The following PDE1C variants were observed in gnomAD, a reference collection of about 807,000 sequenced individuals.
PDE1C encodes phosphodiesterase 1C, also known as dual specificity calcium/calmodulin-dependent 3',5'-cyclic nucleotide phosphodiesterase 1C.
A neutral mutation model predicts 93.1 loss-of-function variants in PDE1C; 62 were observed. The ratio of observed to expected loss-of-function variants is 0.67; its 90% confidence interval spans 0.54 to 0.82. The LOEUF (loss-of-function observed/expected upper bound fraction) is 0.82. Ranked by LOEUF, PDE1C falls within the 40% of genes least tolerant of loss-of-function variation. The probability of loss-of-function intolerance (pLI) is 0.00; values close to 1 mark genes in which losing one functional copy is unlikely to be tolerated. For missense variants in PDE1C, 742 were observed against 884.6 expected (o/e 0.84, Z 2.04); for synonymous variants, 325 against 310.1 (o/e 1.05, Z -0.50).
At chr7:32,160,032 T>C (rs1432684344) in intron 3 of PDE1C, among the ~76,000 whole-genome samples, 1 of 151,720 alleles carries the variant, frequency 6.6e-6, no homozygotes, top group African/African-American at 2.4e-5. Flanking sequence ...CTGAACCACA[T>C]AAGAATCAAA....
In PDE1C at chr7:31,751,864, A is replaced by G. The variant is rs1794154027; in HGVS notation, c.*1520T>C. ...GCAGGGAATGAGAGAAGGAGAGGACACTAAACTCTTTACAATCAAGCCTGG... is the reference window on the plus strand; with the variant it reads ...GCAGGGAATGAGAGAAGGAGAGGACGCTAAACTCTTTACAATCAAGCCTGG... On this transcript the variant is annotated 3_prime_UTR_variant, in exon 18 of 18. Coordinates refer to ENST00000396191, the MANE Select transcript of PDE1C (RefSeq NM_001191057.4). 1 of 152,236 alleles carries G rather than the reference A, an allele frequency of 6.6e-6. No individual in the cohort carries two copies. The highest frequency in any genetic ancestry group is 2.4e-5 in the African/African-American group (1 of 41,458). 9.4% of individuals were successfully genotyped at this position (152,236 alleles called of 1,614,324 possible).
the PDE1C span, chr7:31,655,954 G>A: frequency 1.0e-6 from 1 of 985,256 alleles, no homozygotes; most frequent in Non-Finnish European, 1.2e-6. Flanking sequence ...TCCCTCAGAT[G>A]AATCTCCAAT....
At chr7:31,849,808 C>T (rs1018164258) in intron 8 of PDE1C, among the ~76,000 whole-genome samples, 1 of 152,070 alleles carries the variant, frequency 6.6e-6, no homozygotes, top group Non-Finnish European at 1.5e-5. Flanking sequence ...CTCTCCAGTT[C>T]CACATCATTG....
In PDE1C at chr7:31,981,435, T is replaced by C. The variant is rs375689070; in HGVS notation, c.128+70119A>G. On this transcript the variant is annotated intron_variant, in intron 2 of 17. Coordinates refer to ENST00000396191, the MANE Select transcript of PDE1C (RefSeq NM_001191057.4). ...CATATCACTTCATATATTTTAATTA[T>C]TAAAATGTGTGTTAATGAAATTTCA... is the stretch of plus-strand genomic sequence containing the variant. Among the ~76,000 whole-genome samples the C allele has an allele frequency of 3.9e-5, 6 of 152,320 alleles. No homozygotes were observed. The East Asian group carries it at 1.2e-3, about 29-fold the overall frequency.
At chr7:32,418,725 G>A (rs568423717) in intron 1 of PDE1C, among the ~76,000 whole-genome samples, 1 of 152,220 alleles carries the variant, frequency 6.6e-6, no homozygotes. Flanking sequence ...TCAAAATCCA[G>A]GAAGTAATAA....
chr7:32,230,800 G>A (rs1176590722), intron 1 of PDE1C, among the ~76,000 whole-genome samples: 2 of 152,052 alleles, frequency 1.3e-5, no homozygotes, highest in Non-Finnish European at 2.9e-5. Flanking sequence ...CAACCCAGGG[G>A]AGCAATGACT....
intron 2 of PDE1C, among the ~76,000 whole-genome samples, chr7:32,003,397 C>A (rs1785735864): frequency 6.6e-6 from 1 of 152,168 alleles, no homozygotes; most frequent in African/African-American, 2.4e-5. Context: ...AATCACAAAC[C>A]TTATTCTGTT....
chr7:31,657,469 G>A, the PDE1C span, among the ~76,000 whole-genome samples: 2 of 152,190 alleles, frequency 1.3e-5, no homozygotes, highest in African/African-American at 2.4e-5. Flanking sequence ...TGCATCTGAC[G>A]CTTGTAGTCA....
chr7:31,888,332 C>A (rs771462215), intron 2 of PDE1C, among the ~76,000 whole-genome samples: 1 of 139,272 alleles, frequency 7.2e-6, no homozygotes, highest in African/African-American at 2.7e-5. Context: ...GTTAGAAGAA[C>A]AAGTTACTCC....
chr7:31,906,089 T>C (rs915538639), intron 2 of PDE1C, among the ~76,000 whole-genome samples: 1 of 152,188 alleles, frequency 6.6e-6, no homozygotes, highest in African/African-American at 2.4e-5. Flanking sequence ...GTCTCAGGTA[T>C]GTCTTTATTA....
intron 1 of PDE1C, among the ~76,000 whole-genome samples, chr7:32,311,248 G>A (rs1042440347): frequency 6.6e-6 from 1 of 152,220 alleles, no homozygotes; most frequent in African/African-American, 2.4e-5. Flanking sequence ...CTCTGAAATT[G>A]TGGCAATAAT....
At chr7:32,349,356 T>C (rs984475940) in intron 1 of PDE1C, among the ~76,000 whole-genome samples, 11 of 152,130 alleles carry the variant, frequency 7.2e-5, no homozygotes, top group African/African-American at 2.7e-4. Flanking sequence ...ATATACTTAC[T>C]CTCACAAAGA....
At chr7:32,379,103 A>G (rs1260734613) in intron 1 of PDE1C, among the ~76,000 whole-genome samples, 1 of 152,168 alleles carries the variant, frequency 6.6e-6, no homozygotes, top group Non-Finnish European at 1.5e-5. Flanking sequence ...ATTTCACTTC[A>G]GTTCCAGCTC....
At chr7:32,259,495 G>A (rs1810040514) in intron 1 of PDE1C, among the ~76,000 whole-genome samples, 1 of 152,164 alleles carries the variant, frequency 6.6e-6, no homozygotes, top group Non-Finnish European at 1.5e-5. Flanking sequence ...AGCTGGGGGA[G>A]CTGGGGCAAG....
chr7:31,942,831 T>C (rs1005247164), intron 2 of PDE1C, among the ~76,000 whole-genome samples: 4 of 152,222 alleles, frequency 2.6e-5, no homozygotes, highest in African/African-American at 9.6e-5. Context: ...TTCACATATA[T>C]GAAAACAAGA....
the PDE1C span, among the ~76,000 whole-genome samples, chr7:31,674,152 C>A: frequency 6.6e-6 from 1 of 152,168 alleles, no homozygotes. Context: ...CATGTTCTTT[C>A]CTAATCAGCC....
chr7:32,063,507 A>G (rs141187140), intron 1 of PDE1C, among the ~76,000 whole-genome samples: 10 of 152,366 alleles, frequency 6.6e-5, no homozygotes, highest in African/African-American at 2.4e-4. Flanking sequence ...CTCAGTCAAG[A>G]TATTAAGCAC....
intron 3 of PDE1C, among the ~76,000 whole-genome samples, chr7:32,130,268 A>C (rs964385808): frequency 4.6e-5 from 7 of 152,154 alleles, no homozygotes; most frequent in African/African-American, 1.7e-4. Context: ...AATGCCACAG[A>C]GTTTTTTCTG....
chr7:31,928,614 G>A (rs1422487253), intron 2 of PDE1C, among the ~76,000 whole-genome samples: 3 of 152,184 alleles, frequency 2.0e-5, no homozygotes, highest in Admixed American at 6.5e-5. Flanking sequence ...CCAGAAGAGA[G>A]TGGGGGCCAA....
Sources: allele counts gnomAD v4.1 joint callset (sites outside exome capture counted in the v4.1 genomes callset), GRCh38; gene constraint gnomAD v4.1.1; transcripts MANE v1.5; gene names NCBI Gene and HGNC (gene_info 2026-07-23, HGNC 2026-07-21).